Variants in NCAM1 observed in about 807,000 individuals in gnomAD.
NCAM1 encodes antigen recognized by monoclonal antibody 5.1H11.
In NCAM1, 14 loss-of-function variants were observed where a neutral mutation model predicts 109.8. That is an observed-to-expected ratio of 0.13 (90% CI 0.08 to 0.20). The LOEUF is 0.20. Ranked by LOEUF, NCAM1 falls within the 10% of genes least tolerant of loss-of-function variation. NCAM1 has a pLI of 1.00. For missense variants in NCAM1, 774 were observed against 1,109.9 expected, an observed-to-expected ratio of 0.70 and a Z score of 4.30; for synonymous variants, 418 against 442.9, an observed-to-expected ratio of 0.94 and a Z score of 0.70.
intron 15 of NCAM1, among the ~76,000 whole-genome samples, chr11:113,252,791 A>C (rs1241322175): frequency 8.9e-6 from 1 of 112,698 alleles, no homozygotes; most frequent in Non-Finnish European, 1.8e-5. Context: ...ACATGCCACT[A>C]TGCCCAGCTT....
At chr11:113,161,520 C>T (rs1247871685) in intron 1 of NCAM1, among the ~76,000 whole-genome samples, 2 of 152,162 alleles carry the variant, frequency 1.3e-5, no homozygotes, top group African/African-American at 2.4e-5. Context: ...ATTCTGTTCT[C>T]ATTTTTGGAC....
At chr11:113,120,196 CTTTTG>C (rs1327258064) in intron 1 of NCAM1, among the ~76,000 whole-genome samples, 4 of 152,140 alleles carry the variant, frequency 2.6e-5, no homozygotes, top group African/African-American at 4.8e-5. Context: ...TATGCTGGCA[CTTTTG>C]TTTTGTTTAA....
chr11:113,168,656 C>A (rs955839774), intron 1 of NCAM1, among the ~76,000 whole-genome samples: 3 of 152,212 alleles, frequency 2.0e-5, no homozygotes, highest in South Asian at 2.1e-4. Flanking sequence ...TGTCCTGCTG[C>A]TCCTGGTTTA....
chr11:113,107,623 G>A (rs1452397023), intron 1 of NCAM1, among the ~76,000 whole-genome samples: 2 of 152,068 alleles, frequency 1.3e-5, no homozygotes, highest in Non-Finnish European at 2.9e-5. Flanking sequence ...CAAGAGAAAG[G>A]GGTTTCCCCT....
intron 1 of NCAM1, among the ~76,000 whole-genome samples, chr11:113,061,414 G>T (rs568884641): frequency 6.6e-6 from 1 of 152,264 alleles, no homozygotes; most frequent in Non-Finnish European, 1.5e-5. Flanking sequence ...CCAGACCTGT[G>T]TTTTATAAGT....
At chr11:113,178,418 A>G (rs1943233351) in intron 1 of NCAM1, among the ~76,000 whole-genome samples, 1 of 152,160 alleles carries the variant, frequency 6.6e-6, no homozygotes, top group Non-Finnish European at 1.5e-5. Flanking sequence ...GATGATTTGG[A>G]GTTCCGATGT....
intron 1 of NCAM1, among the ~76,000 whole-genome samples, chr11:113,197,457 A>T (rs1555111026): frequency 6.6e-6 from 1 of 152,254 alleles, no homozygotes; most frequent in African/African-American, 2.4e-5. Context: ...CTGTAATTTA[A>T]TGCCTTTTTC....
At chr11:113,227,973 A>G (rs1445798314) in intron 9 of NCAM1, among the ~76,000 whole-genome samples, 2 of 152,252 alleles carry the variant, frequency 1.3e-5, no homozygotes, top group Non-Finnish European at 2.9e-5. Flanking sequence ...CACAGCCAAT[A>G]TCATACTGAA....
intron 1 of NCAM1, among the ~76,000 whole-genome samples, chr11:113,125,440 G>A (rs782690793): frequency 2.6e-5 from 4 of 152,180 alleles, no homozygotes; most frequent in Admixed American, 6.5e-5. Context: ...ATTTATTAAT[G>A]AACAGGATTA....
chr11:113,221,219 T>C, intron 8 of NCAM1, 77 bp from the exon 9 acceptor site: 1 of 1,420,664 alleles, frequency 7.0e-7, no homozygotes. Context: ...CGGAATGCAG[T>C]GTGATACATT....
intron 1 of NCAM1, among the ~76,000 whole-genome samples, chr11:113,085,158 TA>T (rs1939021924): frequency 6.6e-6 from 1 of 152,220 alleles, no homozygotes; most frequent in South Asian, 2.1e-4. Flanking sequence ...TAAAGGGTGT[TA>T]AAAGCATAAA....
intron 1 of NCAM1, among the ~76,000 whole-genome samples, chr11:112,971,224 A>ATT (rs1306754296): frequency 6.6e-6 from 1 of 151,542 alleles, no homozygotes; most frequent in African/African-American, 2.4e-5. Flanking sequence ...GAGTACTTCA[A>ATT]TTTCTCTCTC....
intron 9 of NCAM1, among the ~76,000 whole-genome samples, chr11:113,228,638 C>T (rs369309237): frequency 6.6e-6 from 1 of 152,120 alleles, no homozygotes; most frequent in East Asian, 1.9e-4. Context: ...AATCCTAAGC[C>T]AAAAGAACAA....
chr11:112,996,630 G>A (rs879982243), intron 1 of NCAM1, among the ~76,000 whole-genome samples: 35 of 152,112 alleles, frequency 2.3e-4, no homozygotes, highest in Non-Finnish European at 1.3e-4. Flanking sequence ...TCTTGTTTAT[G>A]CAGTCATTTT....
At chr11:113,012,943 T>A (rs1268262132) in intron 1 of NCAM1, among the ~76,000 whole-genome samples, 1 of 152,292 alleles carries the variant, frequency 6.6e-6, no homozygotes, top group East Asian at 1.9e-4. Flanking sequence ...AGGATAATGA[T>A]GTCTACAACA....
chr11:113,063,581 A>G (rs1396045273), intron 1 of NCAM1, among the ~76,000 whole-genome samples: 15 of 152,174 alleles, frequency 9.9e-5, no homozygotes, highest in African/African-American at 3.6e-4. Flanking sequence ...CCCAGTTCTC[A>G]TGGCACTGAG....
At chr11:113,250,310 A>G (rs1555121033) in intron 15 of NCAM1, among the ~76,000 whole-genome samples, 1 of 152,202 alleles carries the variant, frequency 6.6e-6, no homozygotes, top group African/African-American at 2.4e-5. Flanking sequence ...TGCAACATAG[A>G]TCACATCCGA....
intron 1 of NCAM1, among the ~76,000 whole-genome samples, chr11:112,993,839 C>G (rs1228221357): frequency 6.6e-6 from 1 of 152,118 alleles, no homozygotes; most frequent in African/African-American, 2.4e-5. Flanking sequence ...CTTTTTTGCC[C>G]TTTCATTGTC....
rs76127680 is a variant in NCAM1 at position 113,174,190 on chromosome 11, A to G, written c.53-28189A>G. ...ATTTCCTGGCAATCCTGTTCTTTTT[A>G]ACAGAGCTACAGAAAAGACCCACAT... On this transcript the variant is annotated intron_variant, in intron 1 of 19. Transcript: ENST00000316851. Among the ~76,000 whole-genome samples the G allele has an allele frequency of 2.5e-3, 380 of 152,282 alleles. 1 individual carries two copies. The highest frequency in any genetic ancestry group is 8.3e-3 in the African/African-American group (346 of 41,552).
Sources: gnomAD v4.1 joint callset for allele counts (sites outside exome capture counted in the v4.1 genomes callset) on GRCh38, gnomAD v4.1.1 for gene constraint, MANE v1.5 for transcripts, NCBI Gene and HGNC (gene_info 2026-07-23, HGNC 2026-07-21) for gene names.